The following SORBS2 variants were observed in gnomAD, a reference collection of about 807,000 sequenced individuals.
The protein encoded by SORBS2 is sorbin and SH3 domain-containing protein 2.
SORBS2 carries 46 observed loss-of-function variants against 97.7 expected under a neutral mutation model. The ratio of observed to expected loss-of-function variants is 0.47; its 90% confidence interval spans 0.37 to 0.60. The LOEUF (loss-of-function observed/expected upper bound fraction) is 0.60, where lower values mean the gene tolerates loss of function less well. Among genes scored for constraint, SORBS2 ranks in the 20% least tolerant of loss-of-function variants. The pLI, the probability that SORBS2 is intolerant of heterozygous loss-of-function variation, is 0.00. For missense variants in SORBS2, 1,316 were observed against 1,282.3 expected (o/e 1.03, Z -0.40); for synonymous variants, 476 against 473.4 (o/e 1.01, Z -0.07).
At chr4:185,656,318 T>G (rs1244350465) in intron 1 of SORBS2, among the ~76,000 whole-genome samples, 1 of 152,210 alleles carries the variant, frequency 6.6e-6, no homozygotes, top group East Asian at 1.9e-4. Context: ...ATAATCCATT[T>G]TAAACTCTTC....
chr4:185,717,660 AG>A (rs1353988417), intron 2 of SORBS2, among the ~76,000 whole-genome samples: 1 of 152,164 alleles, frequency 6.6e-6, no homozygotes, highest in Admixed American at 6.5e-5. Flanking sequence ...CCCTGGATTG[AG>A]GTAAAGTAGA....
intron 1 of SORBS2, among the ~76,000 whole-genome samples, chr4:185,776,095 T>A (rs900466942): frequency 3.3e-5 from 5 of 151,858 alleles, no homozygotes; most frequent in Non-Finnish European, 7.4e-5. Flanking sequence ...GAAATAAAAA[T>A]TAAGAAGTCG....
At chr4:185,938,008 C>CT (rs529655739) in intron 1 of SORBS2, among the ~76,000 whole-genome samples, 38,680 of 121,002 alleles carry the variant, frequency 0.32, 7,173 homozygotes, top group East Asian at 0.55. Context: ...AGAAATCATT[C>CT]TTTTTTTTTT....
chr4:185,750,090 G>C (rs1191222930), intron 2 of SORBS2, among the ~76,000 whole-genome samples: 1 of 152,234 alleles, frequency 6.6e-6, no homozygotes, highest in African/African-American at 2.4e-5. Flanking sequence ...ACGTGCAGTG[G>C]ACTAAAGCTG....
intron 2 of SORBS2, among the ~76,000 whole-genome samples, chr4:185,754,399 A>G (rs1212900273): frequency 3.3e-5 from 5 of 152,100 alleles, no homozygotes; most frequent in Non-Finnish European, 1.5e-5. Flanking sequence ...CCCCCATAAC[A>G]CACAGTAACC....
intron 2 of SORBS2, among the ~76,000 whole-genome samples, chr4:185,687,379 A>G (rs1247968495): frequency 1.3e-5 from 2 of 152,212 alleles, no homozygotes; most frequent in African/African-American, 2.4e-5. Flanking sequence ...GTACAATCGA[A>G]TTCTAAGGTC....
intron 2 of SORBS2, among the ~76,000 whole-genome samples, chr4:185,750,847 C>T (rs534902702): frequency 1.5e-4 from 23 of 152,122 alleles, no homozygotes; most frequent in African/African-American, 5.5e-4. Context: ...TGCTTAGGAA[C>T]CCTTATTTCT....
intron 1 of SORBS2, among the ~76,000 whole-genome samples, chr4:185,818,965 G>A (rs2099195045): frequency 6.6e-6 from 1 of 152,180 alleles, no homozygotes. Flanking sequence ...GCATCTTGAA[G>A]GACCCATTAT....
upstream of SORBS2, among the ~76,000 whole-genome samples, chr4:185,660,772 C>T (rs1436644539): frequency 1.3e-5 from 2 of 152,122 alleles, no homozygotes; most frequent in African/African-American, 2.4e-5. Flanking sequence ...CTGTTGCTGG[C>T]CCCTGTGGCC....
chr4:185,686,069 C>T (rs2097952300), intron 2 of SORBS2, among the ~76,000 whole-genome samples: 1 of 152,054 alleles, frequency 6.6e-6, no homozygotes, highest in South Asian at 2.1e-4. Flanking sequence ...GCTCATTCTC[C>T]TCATTCTGCT....
chr4:185,603,256 A>G (rs2096311781), intron 12 of SORBS2, among the ~76,000 whole-genome samples: 2 of 151,698 alleles, frequency 1.3e-5, no homozygotes, highest in Non-Finnish European at 2.9e-5. Context: ...GTTAAAAAAA[A>G]AGACAAGAAA....
At chr4:185,662,327 C>CA in intron 4 of SORBS2, 85 bp from the exon 8 acceptor site, 1 of 1,351,472 alleles carries the variant, frequency 7.4e-7, no homozygotes, top group Non-Finnish European at 1.0e-6. Flanking sequence ...AAAAGACTTC[C>CA]AATCACATGA....
intron 1 of SORBS2, among the ~76,000 whole-genome samples, chr4:185,869,986 T>C (rs971177476): frequency 1.3e-5 from 2 of 152,228 alleles, no homozygotes; most frequent in African/African-American, 2.4e-5. Flanking sequence ...TTAAAGAGGA[T>C]AAAAAGTTGA....
rs778557618 is a variant in SORBS2, at chr4:185,615,038, G to C, written c.2466+7C>G. The C allele has an allele frequency of 1.9e-6, 3 of 1,612,376 alleles. No homozygotes were observed. Among genetic ancestry groups the C allele is most frequent in the African/African-American group, 1.3e-5 (1 of 74,866 alleles). On this transcript the variant is annotated splice_region_variant and intron_variant, in intron 10 of 14. Transcript: ENST00000418609. ...CGCCATCCAAGAGAGAAAGGGAGAG[G>C]ACCTACCTCTACGTATGAGATCGGG... is the stretch of plus-strand genomic sequence containing the variant.
At chr4:185,755,162 C>G (rs559474129) in intron 2 of SORBS2, among the ~76,000 whole-genome samples, 21 of 152,386 alleles carry the variant, frequency 1.4e-4, no homozygotes, top group African/African-American at 5.0e-4. Context: ...CAGCATGTGT[C>G]CTGGCAAGCT....
intron 1 of SORBS2, among the ~76,000 whole-genome samples, chr4:185,868,151 TTTTC>T (rs1332247385): frequency 1.4e-5 from 1 of 73,396 alleles, no homozygotes. Context: ...TCTTTTCTTT[TTTTC>T]TTTCTTTTTT....
chr4:185,841,137 C>A (rs1339124503), intron 1 of SORBS2, among the ~76,000 whole-genome samples: 3 of 152,234 alleles, frequency 2.0e-5, no homozygotes, highest in African/African-American at 7.2e-5. Context: ...CCAGGCCTTT[C>A]TCCCTCAGCT....
intron 12 of SORBS2, among the ~76,000 whole-genome samples, chr4:185,597,755 G>A (rs888925516): frequency 1.3e-5 from 2 of 152,170 alleles, no homozygotes; most frequent in African/African-American, 2.4e-5. Context: ...GCAGAGATTT[G>A]TAATGCAGCT....
At chr4:185,747,798 T>C (rs560481842) in intron 2 of SORBS2, among the ~76,000 whole-genome samples, 90 of 152,294 alleles carry the variant, frequency 5.9e-4, no homozygotes, top group Non-Finnish European at 1.0e-3. Flanking sequence ...GAGACCAGCC[T>C]GGCCAACATG....
Sources: allele counts gnomAD v4.1 joint callset (sites outside exome capture counted in the v4.1 genomes callset), GRCh38; gene constraint gnomAD v4.1.1; transcripts MANE v1.5; gene names NCBI Gene and HGNC (gene_info 2026-07-23, HGNC 2026-07-21).